Variants in ENTPD6 observed in about 807,000 individuals in gnomAD.
ENTPD6 encodes ectonucleoside triphosphate diphosphohydrolase 6, also known as CD39 antigen-like 2.
A neutral mutation model predicts 61.5 loss-of-function variants in ENTPD6; 46 were observed. The ratio of observed to expected loss-of-function variants is 0.75; its 90% CI spans 0.59 to 0.96. The LOEUF is 0.96. Among genes scored for constraint, ENTPD6 ranks in the 40% least tolerant of loss-of-function variants. The probability of loss-of-function intolerance (pLI) is 0.00; values close to 1 mark genes in which losing one functional copy is unlikely to be tolerated. For synonymous variants in ENTPD6, 252 were observed against 255.5 expected (o/e 0.99, Z 0.13); for missense variants, 612 against 629.0 (o/e 0.97, Z 0.29).
intron 4 of ENTPD6, among the ~76,000 whole-genome samples, chr20:25,212,610 T>A (rs1325203329): frequency 6.6e-6 from 1 of 152,166 alleles, no homozygotes; most frequent in Non-Finnish European, 1.5e-5. Flanking sequence ...ATCATAGCAC[T>A]TTGGGAGGCT....
chr20:25,214,899 T>G lies in ENTPD6; in HGVS notation c.630T>G (p.Leu210=). The G allele has an allele frequency of 6.2e-7, 1 of 1,606,114 alleles. No homozygotes were observed. The highest frequency in any genetic ancestry group is 8.5e-7 in the Non-Finnish European group (1 of 1,172,734). ...AAGTATTTAAAGCATCGCCTTTCCT[T>G]GTAGGGGATGACTGTGTTTCCATCA... ...VKKVFKASPF[L]VGDDCVSIMN... is the part of the protein sequence containing the mutation. The change falls in exon 6 of 15, where the codon CTT becomes CTG. Residue 210 remains leucine (L), a synonymous_variant. Transcript: ENST00000376652.
In ENTPD6 at chr20:25,199,166, C is replaced by T. The variant is rs565403627; in HGVS notation, c.-16+3299C>T. On this transcript the variant is annotated intron_variant, in intron 1 of 14. Transcript: ENST00000376652. ...GGCTGGTCCCTACTCCTGGAGTAGGCGTCATCTAACCAGAGCCAGAGGGGC... is the reference window on the plus strand; with the variant it reads ...GGCTGGTCCCTACTCCTGGAGTAGGTGTCATCTAACCAGAGCCAGAGGGGC... Among the ~76,000 whole-genome samples, 6 of 152,188 alleles carry T rather than the reference C, an allele frequency of 3.9e-5. No individual in the cohort carries two copies. The East Asian group carries it at 5.8e-4, about 15-fold the overall frequency.
chr20:25,212,458 C>T (rs1204489570), intron 4 of ENTPD6, among the ~76,000 whole-genome samples: 3 of 152,202 alleles, frequency 2.0e-5, no homozygotes, highest in African/African-American at 7.2e-5. Flanking sequence ...CTGACCTGTC[C>T]TCCCCCTGCC....
Position 25,222,817 on chromosome 20 carries a change from T to C in ENTPD6, c.1046-21T>C, listed in dbSNP as rs376374975. ...TGGGTGCTCGGAGCCCACTGACCGC[T>C]AGCCTTGTGCTTGTCCCCAGCGGCA... On this transcript the variant is annotated intron_variant, in intron 11 of 14. Coordinates refer to ENST00000376652, the MANE Select transcript of ENTPD6 (RefSeq NM_001247.5). The C allele has an allele frequency of 2.5e-5, 40 of 1,612,620 alleles. No homozygotes were observed. In the African/African-American group the frequency reaches 3.5e-4, roughly 14 times the overall value.
chr20:25,219,975 C>A (rs1053758714), intron 10 of ENTPD6, among the ~76,000 whole-genome samples: 2 of 152,162 alleles, frequency 1.3e-5, no homozygotes, highest in Admixed American at 1.3e-4. Flanking sequence ...ATTATTTAGC[C>A]AATGAGAAAA....
intron 11 of ENTPD6, chr20:25,222,014 G>A (rs1223033961): frequency 7.1e-5 from 11 of 155,284 alleles, no homozygotes; most frequent in Non-Finnish European, 1.1e-4. Flanking sequence ...CTGAGAGGGC[G>A]ATCGCAGCTG....
intron 11 of ENTPD6, chr20:25,221,569 TTCC>T: frequency 1.8e-6 from 1 of 554,824 alleles, no homozygotes. Flanking sequence ...CACCAGAAGC[TTCC>T]TCCTGAGGGC....
At position 25,203,810 on chromosome 20, in the gene ENTPD6, G is replaced by A. The variant is rs375465100; in HGVS notation, c.-15-2712G>A. 2.0e-4 allele frequency among the ~76,000 whole-genome samples: 30 copies of A among 152,226 alleles called. 1 individual carries two copies. In the South Asian group the frequency reaches 2.3e-3, roughly 12 times the overall value. On this transcript the variant is annotated intron_variant, in intron 1 of 14. Coordinates refer to ENST00000376652, the MANE Select transcript of ENTPD6 (RefSeq NM_001247.5). The stretch of plus-strand genomic sequence containing the variant: ...GTGTTTTCCTGTTTCTTTGTATGCC[G>A]TGTGATTTTTTTGCTGAACATTGGG...
chr20:25,210,050 T>C (rs1323419166), intron 4 of ENTPD6, 125 bp downstream of exon 4: 35 of 880,232 alleles, frequency 4.0e-5, no homozygotes, highest in Middle Eastern at 2.7e-4. Flanking sequence ...CCTGGGCATT[T>C]CATGCCATTT....
At chr20:25,213,455 T>G in intron 5 of ENTPD6, 49 bp downstream of exon 5, 1 of 1,541,704 alleles carries the variant, frequency 6.5e-7, no homozygotes, top group Non-Finnish European at 8.7e-7. Flanking sequence ...CAGGGGCAAC[T>G]GATGACTGAA....
At chr20:25,204,808 G>C (rs2091329792) in intron 1 of ENTPD6, among the ~76,000 whole-genome samples, 1 of 152,086 alleles carries the variant, frequency 6.6e-6, no homozygotes, top group Non-Finnish European at 1.5e-5. Flanking sequence ...GGGGAGGCCT[G>C]GGGCAGGGGT....
In ENTPD6 at chr20:25,216,742, A is replaced by C. The variant is rs1450483491; in HGVS notation, c.798+6A>C. 1.0e-5 allele frequency: 16 copies of C among 1,577,186 alleles called. No homozygotes were observed. Among genetic ancestry groups the C allele is most frequent in the African/African-American group, 1.3e-5 (1 of 74,190 alleles). On this transcript the variant is annotated splice_donor_region_variant and intron_variant, in intron 8 of 14. Transcript: ENST00000376652. The stretch of plus-strand genomic sequence containing the variant: ...CCTTCCTGCCACGCGTGGAGGTAAC[A>C]AGCCCTGCCGACCACAGCGCTCTTT...
chr20:25,197,833 A>G (rs748866136), intron 1 of ENTPD6, among the ~76,000 whole-genome samples: 2 of 152,180 alleles, frequency 1.3e-5, no homozygotes, highest in African/African-American at 2.4e-5. Context: ...AATTATGTCT[A>G]TGTAAGGTAT....
chr20:25,211,651 T>C (rs992612076), intron 4 of ENTPD6, among the ~76,000 whole-genome samples: 1 of 152,232 alleles, frequency 6.6e-6, no homozygotes, highest in Non-Finnish European at 1.5e-5. Context: ...TTTGGCTGAA[T>C]GTTATTGCAT....
chr20:25,225,236 C>A lies in ENTPD6; in HGVS notation c.1275C>A (p.Ser425Arg). ...VCRTLETQPQ[S>R]SPFSCMDLTY... ...GGACCCTGGAGACACAGCCGCAGAGCAGCCCCTTCTCATGCATGGACCTCA... is the reference window on the plus strand; with the variant it reads ...GGACCCTGGAGACACAGCCGCAGAGAAGCCCCTTCTCATGCATGGACCTCA... Residue 425 changes from serine to arginine, a missense_variant, in exon 14 of 15, where the codon AGC becomes AGA. Coordinates refer to ENST00000376652, the MANE Select transcript of ENTPD6 (RefSeq NM_001247.5). 6.2e-7 allele frequency: 1 copy of A among 1,613,528 alleles called. No individual in the cohort carries two copies. The highest frequency in any genetic ancestry group is 1.1e-5 in the South Asian group (1 of 90,990).
At chr20:25,215,049 GCCTC>G in intron 6 of ENTPD6, 107 bp downstream of exon 6, 1 of 742,348 alleles carries the variant, frequency 1.3e-6, no homozygotes, top group Non-Finnish European at 2.4e-6. Flanking sequence ...CCATGTGGGA[GCCTC>G]CTCCCCCGTC....
chr20:25,217,420 T>G (rs1294048561), intron 8 of ENTPD6, 82 bp from the exon 9 acceptor site: 2 of 1,342,832 alleles, frequency 1.5e-6, no homozygotes, highest in Non-Finnish European at 1.1e-6. Context: ...ACCATCCCCT[T>G]TCTTTCAAAT....
rs753193067 is a variant in ENTPD6 at position 25,225,227 on chromosome 20, GCC to G, written c.1267_1268del (p.Pro423AlafsTer35). On this transcript the variant is annotated frameshift_variant, in exon 14 of 15. Coordinates refer to ENST00000376652, the MANE Select transcript of ENTPD6 (RefSeq NM_001247.5). LOFTEE classifies it high-confidence loss of function. ...KYVCRTLETQ[P>X]QSSPFSCMDL... Reference sequence around the variant, plus strand: ...CAGTGTGTCGGACCCTGGAGACACAGCCGCAGAGCAGCCCCTTCTCATGCATG... The same window carrying G: ...CAGTGTGTCGGACCCTGGAGACACAGGCAGAGCAGCCCCTTCTCATGCATG... The G allele has an allele frequency of 1.7e-5, 27 of 1,613,336 alleles. No homozygotes were observed. The highest frequency in any genetic ancestry group is 2.0e-5 in the Non-Finnish European group (24 of 1,179,806).
In ENTPD6 at chr20:25,222,906, G is replaced by A. The variant is rs1400276265; in HGVS notation, c.1114G>A (p.Glu372Lys). ...EVLQNRVHRT[E>K]EVKHVDFYAF... ...CCTTCAAAACAGAGTGCACAGGACG[G>A]AGGAAGTGAAGCATGTGGACTTCTA... The change falls in exon 12 of 15, where the codon GAG becomes AAG. Residue 372 changes from glutamate to lysine, a missense_variant. Physicochemically the swap from Glu to Lys is moderately conservative, Grantham distance 56. Transcript: ENST00000376652. The A allele has an allele frequency of 1.2e-6, 2 of 1,614,130 alleles. No homozygotes were observed. Among genetic ancestry groups the A allele is most frequent in the South Asian group, 1.1e-5 (1 of 91,088 alleles).
Sources: allele counts gnomAD v4.1 joint callset (sites outside exome capture counted in the v4.1 genomes callset), GRCh38; gene constraint gnomAD v4.1.1; transcripts MANE v1.5; gene names NCBI Gene and HGNC (gene_info 2026-07-23, HGNC 2026-07-21).